TFEB: variants seen among roughly 807,000 people sequenced by gnomAD.
TFEB encodes transcription factor EB.
Under a neutral mutation model 48.0 loss-of-function variants are expected in TFEB, and 12 were observed. The observed-to-expected ratio is 0.25, with a 90% CI of 0.16 to 0.40. The LOEUF (loss-of-function observed/expected upper bound fraction) is 0.40, where lower values mean the gene tolerates loss of function less well. TFEB is among the 10% of genes least tolerant of loss of function. The pLI, the probability that TFEB is intolerant of heterozygous loss-of-function variation, is 1.00. For synonymous variants in TFEB, 244 were observed against 261.4 expected, an observed-to-expected ratio of 0.93 and a Z score of 0.64; for missense variants, 509 against 640.3, an observed-to-expected ratio of 0.79 and a Z score of 2.21.
intron 1 of TFEB, among the ~76,000 whole-genome samples, chr6:41,732,074 C>T (rs1028915333): frequency 2.0e-5 from 3 of 152,098 alleles, no homozygotes; most frequent in African/African-American, 7.2e-5. Flanking sequence ...TCAATTGAGT[C>T]CAGGTCTCGC....
chr6:41,731,272 C>T (rs1771438116), intron 1 of TFEB, among the ~76,000 whole-genome samples: 1 of 151,954 alleles, frequency 6.6e-6, no homozygotes, highest in Admixed American at 6.5e-5. Flanking sequence ...TGTTAAGTGG[C>T]AGAGCTGTGC....
At chr6:41,710,232 C>T (rs1250074921) in intron 1 of TFEB, among the ~76,000 whole-genome samples, 1 of 152,230 alleles carries the variant, frequency 6.6e-6, no homozygotes, top group Non-Finnish European at 1.5e-5. Flanking sequence ...TATAGAGTTA[C>T]ATCAGAATAG....
intron 1 of TFEB, among the ~76,000 whole-genome samples, chr6:41,722,588 G>C (rs1396377138): frequency 6.6e-6 from 1 of 152,258 alleles, no homozygotes; most frequent in Non-Finnish European, 1.5e-5. Context: ...GTCCCCATCT[G>C]CAAAATGGGA....
chr6:41,688,067 C>G (rs1769109257), intron 4 of TFEB, 39 bp from the exon 5 acceptor site: 1 of 1,586,164 alleles, frequency 6.3e-7, no homozygotes, highest in Non-Finnish European at 8.6e-7. Context: ...TGAGTATCCC[C>G]CTCTCCACGG....
intron 1 of TFEB, among the ~76,000 whole-genome samples, chr6:41,693,042 A>C (rs1031662872): frequency 6.6e-6 from 1 of 152,206 alleles, no homozygotes; most frequent in Non-Finnish European, 1.5e-5. Context: ...AGTATGTAGC[A>C]CCTGGGAGGC....
At chr6:41,728,478 G>C (rs1367319252) in intron 1 of TFEB, among the ~76,000 whole-genome samples, 2 of 152,228 alleles carry the variant, frequency 1.3e-5, no homozygotes, top group Non-Finnish European at 2.9e-5. Flanking sequence ...AGAGCTGGGA[G>C]GGGACAAGAG....
rs1188502678 is a variant in TFEB at position 41,723,020 on chromosome 6, G to A, written c.-23+12330C>T. ...CAGGATTCAAGCAGGTGGATGTAGA[G>A]CATATGCTCCCAGCCCCTAATGTAA... On this transcript the variant is annotated intron_variant, in intron 1 of 8. Coordinates refer to ENST00000373033, the MANE Select transcript of TFEB (RefSeq NM_001271944.2). The surrounding 1 kb of genome is among the most constrained non-coding windows in gnomAD (Gnocchi z 6.0). Among the ~76,000 whole-genome samples the A allele has an allele frequency of 6.6e-6, 1 of 152,150 alleles. No homozygotes were observed. The highest frequency in any genetic ancestry group is 2.4e-5 in the African/African-American group (1 of 41,420).
At position 41,691,291 on chromosome 6, in the gene TFEB, G is replaced by C. The variant is rs1437043946; in HGVS notation, c.-22-56C>G. On this transcript the variant is annotated intron_variant, in intron 1 of 8. Transcript: ENST00000373033. This position sits in a 1 kb window ranked among gnomAD's most constrained non-coding sequence, Gnocchi z 5.2. ...AGGCACGTGTCCTCCTCAAAGCACA[G>C]GGGCTGGCAGGGGGAGGCCAGAATG... 9.9e-6 allele frequency: 15 copies of C among 1,508,334 alleles called. No homozygotes were observed. Among genetic ancestry groups the C allele is most frequent in the Non-Finnish European group, 1.4e-5 (15 of 1,108,312 alleles). 93.4% of individuals were successfully genotyped at this position (1,508,334 alleles called of 1,614,324 possible).
At chr6:41,716,944 G>A (rs1399648935) in intron 1 of TFEB, among the ~76,000 whole-genome samples, 3 of 152,112 alleles carry the variant, frequency 2.0e-5, no homozygotes, top group South Asian at 2.1e-4. Flanking sequence ...CGGCATGCCC[G>A]CGTGCACCCT....
intron 1 of TFEB, among the ~76,000 whole-genome samples, chr6:41,699,630 G>A (rs112981663): frequency 1.3e-5 from 2 of 152,356 alleles, no homozygotes; most frequent in African/African-American, 4.8e-5. Flanking sequence ...GGTTCTAAGG[G>A]ATAAGTAGTC....
At chr6:41,707,636 CT>C (rs1169186707) in intron 1 of TFEB, among the ~76,000 whole-genome samples, 2 of 152,218 alleles carry the variant, frequency 1.3e-5, no homozygotes, top group African/African-American at 4.8e-5. Context: ...GGTGCGAGAC[CT>C]GTAGCCTGAA....
upstream of TFEB, chr6:41,736,038 C>A: frequency 7.0e-7 from 1 of 1,435,186 alleles, no homozygotes; most frequent in Non-Finnish European, 9.8e-7. Context: ...ATCCCTGCCC[C>A]GATCATAAGG....
chr6:41,712,311 C>T (rs987456079), intron 1 of TFEB, among the ~76,000 whole-genome samples: 3 of 152,168 alleles, frequency 2.0e-5, no homozygotes, highest in East Asian at 3.9e-4. Context: ...CATATATTTT[C>T]GAGAAAGAGG....
Position 41,684,727 on chromosome 6 carries a change from G to A in TFEB, c.1303C>T (p.Leu435Phe). The change falls in exon 9 of 9, where the codon CTC becomes TTC. Residue 435 changes from leucine (L) to phenylalanine (F), a missense_variant. Leu to Phe is a conservative substitution (Grantham distance 22). Around this residue, in one of 4 missense-constraint regions of TFEB, gnomAD observed 168 missense variants for 161.0 expected, o/e 1.04. Coordinates refer to ENST00000373033, the MANE Select transcript of TFEB (RefSeq NM_001271944.2). ...AGCAGTGAGTCGTCCAGGAGCATGA[G>A]GTCCAGATCCTTCTTGGACAGGCTG... The part of the protein sequence containing the change: ...FPSLSKKDLD[L>F]MLLDDSLLPL... 1 of 1,613,846 alleles carries A rather than the reference G, an allele frequency of 6.2e-7. No homozygotes were observed. The highest frequency in any genetic ancestry group is 8.5e-7 in the Non-Finnish European group (1 of 1,179,924).
At chr6:41,728,187 C>T (rs1369011460) in intron 1 of TFEB, among the ~76,000 whole-genome samples, 10 of 152,236 alleles carry the variant, frequency 6.6e-5, no homozygotes, top group Non-Finnish European at 1.5e-4. Context: ...TACTAAGATT[C>T]CCTGGCTAGG....
chr6:41,727,251 A>G (rs995953190), intron 1 of TFEB, among the ~76,000 whole-genome samples: 6 of 152,190 alleles, frequency 3.9e-5, no homozygotes, highest in Non-Finnish European at 8.8e-5. Context: ...CTTTGAACAC[A>G]TCAAAAGAAG....
chr6:41,684,584 CAG>C lies in TFEB; in HGVS notation c.*13_*14del. On this transcript the variant is annotated 3_prime_UTR_variant, in exon 9 of 9. Coordinates refer to ENST00000373033, the MANE Select transcript of TFEB (RefSeq NM_001271944.2). The stretch of plus-strand genomic sequence containing the variant: ...CCAGGCCGGCCCCTGTTCCCTGGCA[CAG>C]GGGCAGCCAGGGTCACAGCACATCG... The C allele has an allele frequency of 6.5e-7, 1 of 1,536,168 alleles. No homozygotes were observed. The highest frequency in any genetic ancestry group is 8.8e-7 in the Non-Finnish European group (1 of 1,142,854).
intron 1 of TFEB, among the ~76,000 whole-genome samples, chr6:41,707,981 C>T (rs1009081275): frequency 2.6e-5 from 4 of 152,228 alleles, no homozygotes; most frequent in South Asian, 4.1e-4. Context: ...AAGTGGAAGA[C>T]GGCTCTAGGC....
At chr6:41,716,377 G>T (rs2127258108) in intron 1 of TFEB, among the ~76,000 whole-genome samples, 1 of 152,270 alleles carries the variant, frequency 6.6e-6, no homozygotes, top group South Asian at 2.1e-4. Flanking sequence ...CTCTCTGCAG[G>T]GGTCTGAGGC....
Sources: allele counts gnomAD v4.1 joint callset (sites outside exome capture counted in the v4.1 genomes callset), GRCh38; gene constraint gnomAD v4.1.1; regional missense constraint gnomAD v4.1.1; non-coding constraint Gnocchi (gnomAD v3.1); transcripts MANE v1.5; gene names NCBI Gene and HGNC (gene_info 2026-07-23, HGNC 2026-07-21).